The following POFUT3 variants were observed in gnomAD, a reference collection of about 807,000 sequenced individuals.
POFUT3 encodes GDP-fucose protein O-fucosyltransferase 3.
the POFUT3 span, among the ~76,000 whole-genome samples, chr8:33,382,059 G>C: frequency 6.6e-6 from 1 of 152,174 alleles, no homozygotes; most frequent in African/African-American, 2.4e-5. Context: ...TTGGGAGGCT[G>C]AGATGGGCAC....
the POFUT3 span, among the ~76,000 whole-genome samples, chr8:33,308,160 G>A: frequency 1.3e-5 from 2 of 152,186 alleles, no homozygotes; most frequent in Admixed American, 6.5e-5. Context: ...TATACTATGT[G>A]TGAAGTGGCA....
At chr8:33,381,877 C>A in the POFUT3 span, among the ~76,000 whole-genome samples, 1 of 152,156 alleles carries the variant, frequency 6.6e-6, no homozygotes. Flanking sequence ...TTAATAATGT[C>A]TAATCTAAAC....
the POFUT3 span, among the ~76,000 whole-genome samples, chr8:33,411,090 C>G: frequency 1.3e-5 from 2 of 152,090 alleles, no homozygotes; most frequent in Non-Finnish European, 2.9e-5. Context: ...TAACTTGGAG[C>G]TAGTGATCAG....
At chr8:33,388,234 G>A in the POFUT3 span, among the ~76,000 whole-genome samples, 1 of 151,870 alleles carries the variant, frequency 6.6e-6, no homozygotes, top group African/African-American at 2.4e-5. Context: ...AGGCTGTGGA[G>A]TGTCAGTGTG....
chr8:33,340,395 T>C, the POFUT3 span, among the ~76,000 whole-genome samples: 1 of 151,774 alleles, frequency 6.6e-6, no homozygotes, highest in Non-Finnish European at 1.5e-5. Context: ...TATATATATA[T>C]ACATGTGTGT....
chr8:33,380,074 TAC>T, the POFUT3 span, among the ~76,000 whole-genome samples: 2 of 50,356 alleles, frequency 4.0e-5, no homozygotes, highest in African/African-American at 1.2e-4. Context: ...ACTATATATA[TAC>T]ACTATATATA....
chr8:33,447,671 G>A, the POFUT3 span, among the ~76,000 whole-genome samples: 2 of 100,046 alleles, frequency 2.0e-5, no homozygotes, highest in African/African-American at 4.0e-5. Flanking sequence ...TCATCTCTAG[G>A]AAGAAGGAAA....
the POFUT3 span, among the ~76,000 whole-genome samples, chr8:33,460,391 T>C: frequency 6.6e-6 from 1 of 152,116 alleles, no homozygotes; most frequent in Non-Finnish European, 1.5e-5. Flanking sequence ...AATCCATGAA[T>C]GAAGTTCGGA....
At chr8:33,410,531 C>T in the POFUT3 span, among the ~76,000 whole-genome samples, 7 of 152,048 alleles carry the variant, frequency 4.6e-5, no homozygotes, top group African/African-American at 1.4e-4. Context: ...CCCATACAGA[C>T]GTTTGCACTG....
the POFUT3 span, among the ~76,000 whole-genome samples, chr8:33,308,099 A>G: frequency 1.3e-5 from 2 of 152,218 alleles, no homozygotes; most frequent in East Asian, 3.8e-4. Context: ...ACGCACAAGT[A>G]AAATGTATGA....
At chr8:33,381,661 G>A in the POFUT3 span, among the ~76,000 whole-genome samples, 114 of 152,312 alleles carry the variant, frequency 7.5e-4, 2 homozygotes, top group African/African-American at 2.7e-3. Flanking sequence ...CTTAAATGCA[G>A]CATTTGTTAC....
At chr8:33,429,962 C>T in the POFUT3 span, among the ~76,000 whole-genome samples, 1 of 148,956 alleles carries the variant, frequency 6.7e-6, no homozygotes, top group Non-Finnish European at 1.5e-5. Context: ...CACCATTGCA[C>T]CCTAGCCTGG....
chr8:33,388,775 AG>A, the POFUT3 span: 91 of 604,978 alleles, frequency 1.5e-4, no homozygotes, highest in Non-Finnish European at 1.6e-4. Context: ...AGGCCTGTCC[AG>A]GGCTTGTAAA....
At chr8:33,444,260 G>A in the POFUT3 span, among the ~76,000 whole-genome samples, 5 of 152,038 alleles carry the variant, frequency 3.3e-5, no homozygotes, top group Admixed American at 6.6e-5. Flanking sequence ...AGATCTGACC[G>A]GTGTAAAGGA....
the POFUT3 span, among the ~76,000 whole-genome samples, chr8:33,363,497 G>A: frequency 3.3e-5 from 5 of 151,990 alleles, no homozygotes; most frequent in African/African-American, 9.7e-5. Flanking sequence ...TTTTTGAAAA[G>A]ATCAACAAAA....
chr8:33,347,155 C>T, the POFUT3 span, among the ~76,000 whole-genome samples: 1 of 152,144 alleles, frequency 6.6e-6, no homozygotes, highest in Non-Finnish European at 1.5e-5. Flanking sequence ...CAGGTTCTTC[C>T]AATCCCTAAA....
the POFUT3 span, among the ~76,000 whole-genome samples, chr8:33,357,635 C>T: frequency 1.8e-3 from 273 of 151,904 alleles, no homozygotes; most frequent in Middle Eastern, 3.4e-3. Context: ...TCCTTTTCCT[C>T]CTATTTTTCT....
chr8:33,459,137 C>G, the POFUT3 span, among the ~76,000 whole-genome samples: 3 of 152,098 alleles, frequency 2.0e-5, no homozygotes, highest in Non-Finnish European at 4.4e-5. Flanking sequence ...GTCAGGAGTT[C>G]GAGACCAGCC....
the POFUT3 span, among the ~76,000 whole-genome samples, chr8:33,453,663 C>G: frequency 6.6e-6 from 1 of 152,120 alleles, no homozygotes; most frequent in South Asian, 2.1e-4. Context: ...CAAATTTAAG[C>G]AAGGTGCACT....
Sources: allele counts gnomAD v4.1 joint callset (sites outside exome capture counted in the v4.1 genomes callset), GRCh38; gene constraint gnomAD v4.1.1; transcripts MANE v1.5; gene names NCBI Gene and HGNC (gene_info 2026-07-23, HGNC 2026-07-21).